Variants in UIMC1 observed in about 807,000 individuals in gnomAD.
The protein encoded by UIMC1 is ubiquitin interaction motif containing 1, also known as BRCA1-A complex subunit RAP80.
Under a neutral mutation model 84.9 loss-of-function variants are expected in UIMC1, and 42 were observed. The observed-to-expected ratio is 0.49, with a 90% CI of 0.39 to 0.64. UIMC1 has a LOEUF of 0.64. Among genes scored for constraint, UIMC1 ranks in the 30% least tolerant of loss-of-function variants. The pLI is 0.00. For missense variants in UIMC1, 825 were observed against 847.6 expected, an observed-to-expected ratio of 0.97 and a Z score of 0.33; for synonymous variants, 281 against 293.0, an observed-to-expected ratio of 0.96 and a Z score of 0.42.
At chr5:176,907,005 T>C in intron 13 of UIMC1, 109 bp downstream of exon 13, 1 of 1,121,826 alleles carries the variant, frequency 8.9e-7, no homozygotes. Context: ...GCTGACTGGA[T>C]CACGTGTGTA....
At chr5:176,984,640 G>C (rs1252555478) in intron 1 of UIMC1, among the ~76,000 whole-genome samples, 3 of 150,072 alleles carry the variant, frequency 2.0e-5, no homozygotes, top group Non-Finnish European at 4.4e-5. Flanking sequence ...TGGCGGTTTT[G>C]TCAAAAAGAA....
chr5:176,978,266 G>A (rs909039583), intron 2 of UIMC1, among the ~76,000 whole-genome samples: 10 of 152,114 alleles, frequency 6.6e-5, no homozygotes, highest in South Asian at 4.2e-4. Context: ...CCAGCTACTC[G>A]CGAGGCTGAG....
chr5:176,957,535 T>C (rs1281324881), intron 7 of UIMC1, among the ~76,000 whole-genome samples: 5 of 152,222 alleles, frequency 3.3e-5, no homozygotes, highest in South Asian at 2.1e-4. Context: ...TTACAGGAGA[T>C]AGGAGGCACA....
chr5:177,004,443 T>C (rs185539352), intron 1 of UIMC1, among the ~76,000 whole-genome samples: 3 of 151,104 alleles, frequency 2.0e-5, no homozygotes, highest in Admixed American at 2.0e-4. Context: ...TCAACTACTA[T>C]TTTTTTTTAA....
At chr5:176,937,320 C>A (rs566915023) in intron 10 of UIMC1, among the ~76,000 whole-genome samples, 1 of 152,130 alleles carries the variant, frequency 6.6e-6, no homozygotes, top group East Asian at 1.9e-4. Context: ...ATGGTGAAAC[C>A]CCATCTCTGC....
intron 1 of UIMC1, among the ~76,000 whole-genome samples, chr5:177,004,543 C>A (rs1775000098): frequency 6.6e-6 from 1 of 152,074 alleles, no homozygotes; most frequent in Non-Finnish European, 1.5e-5. Context: ...CCACTAACTG[C>A]CAATGAAGGA....
intron 1 of UIMC1, among the ~76,000 whole-genome samples, chr5:176,995,705 T>C: frequency 6.6e-6 from 1 of 151,706 alleles, no homozygotes; most frequent in East Asian, 1.9e-4. Flanking sequence ...TAGCCAGGCA[T>C]GGTGGCAGGA....
Position 176,943,358 on chromosome 5 carries a change from T to C in UIMC1, c.1574A>G (p.Asn525Ser), listed in dbSNP as rs751506854. 36 of 1,613,992 alleles carry C rather than the reference T, an allele frequency of 2.2e-5. No homozygotes were observed. Among genetic ancestry groups the C allele is most frequent in the Admixed American group, 5.0e-5 (3 of 59,988 alleles). The stretch of plus-strand genomic sequence containing the variant: ...ACCTGTATCTTCCTCCATCAGACCA[T>C]TGCAGTACATGGCATGTCGTTCAAT... ...TKIERHAMYC[N>S]GLMEEDTVLT... The change falls in exon 10 of 15, where the codon AAT becomes AGT. Residue 525 changes from asparagine to serine, a missense_variant. By Grantham distance (46) the Asn-to-Ser change is conservative (BLOSUM62 1). Transcript: ENST00000511320.
At chr5:176,986,296 A>G (rs1224661973) in intron 1 of UIMC1, among the ~76,000 whole-genome samples, 1 of 132,866 alleles carries the variant, frequency 7.5e-6, no homozygotes, top group East Asian at 2.5e-4. Context: ...GGAGGTGGAG[A>G]TTGCAGTGAG....
At position 176,955,985 on chromosome 5, in the gene UIMC1, G is replaced by C; in HGVS notation, c.1313C>G (p.Ser438Cys). The C allele has an allele frequency of 6.2e-7, 1 of 1,613,676 alleles. No individual in the cohort carries two copies. Among genetic ancestry groups the C allele is most frequent in the Non-Finnish European group, 8.5e-7 (1 of 1,179,746 alleles). ...AGGACAAACAGTGATTTCTTCTGCA[G>C]AACTCTCTGGCATAAGGACTAAGCT... ...KRSLVLMPES[S>C]AEEITVCPET... is the part of the protein sequence containing the mutation. Residue 438 changes from serine (S) to cysteine (C), a missense_variant, in exon 8 of 15, where the codon TCT (serine) becomes TGT (cysteine). By Grantham distance (112) the Ser-to-Cys change is moderately radical. Transcript: ENST00000511320.
At position 177,005,651 on chromosome 5, in the gene UIMC1, GA is replaced by G. The variant is rs1329018052; in HGVS notation, c.-9+998del. Among the ~76,000 whole-genome samples, 23 of 152,086 alleles carry G rather than the reference GA, an allele frequency of 1.5e-4. No homozygotes were observed. The East Asian group carries it at 2.3e-3, about 15-fold the overall frequency. On this transcript the variant is annotated intron_variant, in intron 1 of 14. Coordinates refer to ENST00000511320, the MANE Select transcript of UIMC1 (RefSeq NM_001199298.2). ...ATAAGCTGGTAAAGGGCTGAGAGTT[GA>G]AGCTGAATGTATCTGATTCCAAAAA...
intron 2 of UIMC1, among the ~76,000 whole-genome samples, chr5:176,978,184 C>A (rs538124949): frequency 2.0e-5 from 3 of 151,730 alleles, no homozygotes; most frequent in East Asian, 3.9e-4. Flanking sequence ...ATCCTGGCTA[C>A]CACAGTGAAA....
At chr5:176,908,032 T>C (rs1759622163) in intron 12 of UIMC1, among the ~76,000 whole-genome samples, 1 of 152,198 alleles carries the variant, frequency 6.6e-6, no homozygotes, top group African/African-American at 2.4e-5. Context: ...AAACCCAAAA[T>C]GATGTTTACA....
At chr5:177,013,285 C>G (rs1377994636) in intron 1 of UIMC1, among the ~76,000 whole-genome samples, 4 of 151,346 alleles carry the variant, frequency 2.6e-5, no homozygotes, top group Non-Finnish European at 1.5e-5. Context: ...CGCTTGAACT[C>G]AGGAGGCGGA....
chr5:176,928,842 T>C (rs996166005), intron 10 of UIMC1, among the ~76,000 whole-genome samples: 3 of 151,850 alleles, frequency 2.0e-5, no homozygotes, highest in African/African-American at 7.3e-5. Flanking sequence ...TCCCAGCTAC[T>C]TGGGAGGCTG....
intron 3 of UIMC1, among the ~76,000 whole-genome samples, chr5:176,972,818 C>T (rs1052955200): frequency 6.6e-6 from 1 of 151,912 alleles, no homozygotes; most frequent in African/African-American, 2.4e-5. Context: ...TTAACAATAC[C>T]GACAATAAAA....
At chr5:176,957,991 G>T (rs777825140) in intron 7 of UIMC1, 102 bp downstream of exon 7, 2 of 1,086,182 alleles carry the variant, frequency 1.8e-6, no homozygotes, top group Non-Finnish European at 2.6e-6. Context: ...AGAGCTAAAA[G>T]TTCTCTGGCA....
chr5:176,981,910 A>G (rs1195465291), intron 2 of UIMC1, among the ~76,000 whole-genome samples: 1 of 152,236 alleles, frequency 6.6e-6, no homozygotes. Flanking sequence ...AAATAGAAAT[A>G]CAGGATAAAG....
At chr5:176,944,956 G>C (rs1764898775) in intron 9 of UIMC1, among the ~76,000 whole-genome samples, 1 of 152,196 alleles carries the variant, frequency 6.6e-6, no homozygotes, top group Non-Finnish European at 1.5e-5. Context: ...AGTATCACTA[G>C]TTCTGCTATT....
Sources: allele counts gnomAD v4.1 joint callset (sites outside exome capture counted in the v4.1 genomes callset), GRCh38; gene constraint gnomAD v4.1.1; transcripts MANE v1.5; gene names NCBI Gene and HGNC (gene_info 2026-07-23, HGNC 2026-07-21).